The following IL1RAPL2 variants were observed in gnomAD, a reference collection of about 807,000 sequenced individuals.
IL1RAPL2 encodes the protein X-linked interleukin-1 receptor accessory protein-like 2.
Under a neutral mutation model 44.1 loss-of-function variants are expected in IL1RAPL2, and 3 were observed. That is an observed-to-expected ratio of 0.07 (90% confidence interval 0.03 to 0.18). The LOEUF is 0.18. Ranked by LOEUF, IL1RAPL2 falls within the 10% of genes least tolerant of loss-of-function variation. IL1RAPL2 has a pLI of 1.00. For synonymous variants in IL1RAPL2, 181 were observed against 178.8 expected (o/e 1.01, Z -0.10); for missense variants, 391 against 496.4 (o/e 0.79, Z 2.02).
chrX:104,879,016 A>G (rs1489973554), intron 2 of IL1RAPL2, among the ~76,000 whole-genome samples: 1 of 111,105 alleles, frequency 9.0e-6, no homozygotes, highest in African/African-American at 3.3e-5. Context: ...CAGTTAATAA[A>G]CAGTTTTCAA....
intron 6 of IL1RAPL2, among the ~76,000 whole-genome samples, chrX:105,640,689 TATAC>T (rs1445756407): frequency 4.7e-5 from 4 of 84,529 alleles, no homozygotes; most frequent in Non-Finnish European, 9.0e-5. Context: ...TATATATATA[TATAC>T]ACACACATAT....
chrX:105,438,418 G>A (rs868587255), intron 5 of IL1RAPL2, among the ~76,000 whole-genome samples: 1 of 111,204 alleles, frequency 9.0e-6, no homozygotes, highest in Non-Finnish European at 1.9e-5. Context: ...ATAGTAGAAG[G>A]AGGTAAAAGA....
intron 6 of IL1RAPL2, among the ~76,000 whole-genome samples, chrX:105,554,073 T>A (rs1321613706): frequency 8.9e-6 from 1 of 112,803 alleles, no homozygotes; most frequent in Non-Finnish European, 1.9e-5. Context: ...AACACATTAC[T>A]TGGAGCTGCC....
chrX:105,633,943 T>C (rs2037507437), intron 6 of IL1RAPL2, among the ~76,000 whole-genome samples: 1 of 111,132 alleles, frequency 9.0e-6, no homozygotes, highest in Non-Finnish European at 1.9e-5. Flanking sequence ...ACCTTTATTT[T>C]ATGATTTTGC....
intron 2 of IL1RAPL2, among the ~76,000 whole-genome samples, chrX:105,136,442 C>T (rs766549138): frequency 3.7e-4 from 42 of 112,340 alleles, no homozygotes; most frequent in Non-Finnish European, 5.1e-4. Flanking sequence ...ATCATATTTT[C>T]GTGAGTCTTT....
chrX:105,111,425 C>T (rs1465861222), intron 2 of IL1RAPL2, among the ~76,000 whole-genome samples: 1 of 111,376 alleles, frequency 9.0e-6, no homozygotes, highest in South Asian at 3.8e-4. Flanking sequence ...CTGAAAATAC[C>T]TGGAAGCTTG....
intron 5 of IL1RAPL2, among the ~76,000 whole-genome samples, chrX:105,349,999 A>G (rs2035140421): frequency 8.9e-6 from 1 of 112,424 alleles, no homozygotes; most frequent in Non-Finnish European, 1.9e-5. Flanking sequence ...CTTACAAAGC[A>G]TGCTGTCAGC....
At chrX:104,791,641 T>A (rs1932826918) in intron 2 of IL1RAPL2, among the ~76,000 whole-genome samples, 1 of 111,279 alleles carries the variant, frequency 9.0e-6, no homozygotes. Context: ...TAAACTAGAG[T>A]GGGTATAGAT....
At chrX:104,582,142 C>T (rs1928359368) in intron 1 of IL1RAPL2, among the ~76,000 whole-genome samples, 1 of 112,216 alleles carries the variant, frequency 8.9e-6, no homozygotes, top group South Asian at 3.7e-4. Context: ...TTTCCAGGCA[C>T]ATACACTCCG....
chrX:105,073,346 C>T (rs1423160355), intron 2 of IL1RAPL2, among the ~76,000 whole-genome samples: 2 of 106,669 alleles, frequency 1.9e-5, no homozygotes, highest in African/African-American at 3.5e-5. Flanking sequence ...TTTCCAGCTT[C>T]ATCCGTGTCC....
intron 2 of IL1RAPL2, among the ~76,000 whole-genome samples, chrX:104,898,477 T>G (rs1923716952): frequency 8.9e-6 from 1 of 112,693 alleles, no homozygotes; most frequent in Non-Finnish European, 1.9e-5. Flanking sequence ...TTCTAATCCT[T>G]ATTTCAAATA....
chrX:105,519,784 C>G (rs1602448065), intron 6 of IL1RAPL2, among the ~76,000 whole-genome samples: 2 of 111,410 alleles, frequency 1.8e-5, no homozygotes, highest in South Asian at 3.8e-4. Flanking sequence ...ACTCAATTCA[C>G]AATGTATATT....
At chrX:104,630,995 C>A (rs1045224234) in intron 1 of IL1RAPL2, among the ~76,000 whole-genome samples, 1 of 110,485 alleles carries the variant, frequency 9.1e-6, no homozygotes, top group Non-Finnish European at 1.9e-5. Context: ...CCCCCTCCCA[C>A]ACCCCACAAC....
intron 5 of IL1RAPL2, among the ~76,000 whole-genome samples, chrX:105,322,742 G>A (rs7050836): frequency 0.11 from 12,480 of 110,777 alleles, 1,727 homozygotes; most frequent in African/African-American, 0.39. Context: ...CTCTTTTTTT[G>A]GTAACTTAAA....
intron 2 of IL1RAPL2, among the ~76,000 whole-genome samples, chrX:104,793,604 G>A (rs1345323027): frequency 3.6e-5 from 4 of 111,742 alleles, no homozygotes; most frequent in Non-Finnish European, 7.5e-5. Context: ...CTGCTATTTG[G>A]GTAGGTGGCA....
chrX:104,709,046 A>T (rs1319025840), intron 2 of IL1RAPL2, among the ~76,000 whole-genome samples: 3 of 111,565 alleles, frequency 2.7e-5, no homozygotes, highest in Non-Finnish European at 1.9e-5. Context: ...TTAACATGTT[A>T]TAAGGAAGAT....
chrX:104,731,622 C>G (rs912166190), intron 2 of IL1RAPL2, among the ~76,000 whole-genome samples: 6 of 111,305 alleles, frequency 5.4e-5, no homozygotes, highest in Admixed American at 9.6e-5. Context: ...AGTTTGGTCT[C>G]GAACTCCTGA....
At chrX:105,089,952 C>T (rs1328611084) in intron 2 of IL1RAPL2, among the ~76,000 whole-genome samples, 1 of 111,568 alleles carries the variant, frequency 9.0e-6, no homozygotes, top group Non-Finnish European at 1.9e-5. Flanking sequence ...TGGTTGTTCC[C>T]TCCTAAACCA....
intron 1 of IL1RAPL2, among the ~76,000 whole-genome samples, chrX:104,631,571 A>G (rs1165870974): frequency 7.2e-5 from 8 of 111,533 alleles, no homozygotes; most frequent in East Asian, 2.8e-4. Context: ...GTTTTGATTT[A>G]CATTTCTCTG....
Sources: allele counts gnomAD v4.1 joint callset (sites outside exome capture counted in the v4.1 genomes callset), GRCh38; gene constraint gnomAD v4.1.1; transcripts MANE v1.5; gene names NCBI Gene and HGNC (gene_info 2026-07-23, HGNC 2026-07-21).